FBLN5: variants seen among roughly 807,000 people sequenced by gnomAD.
FBLN5 encodes the protein fibulin-5.
Under a neutral mutation model 61.6 loss-of-function variants are expected in FBLN5, and 24 were observed. The observed-to-expected ratio is 0.39, with a 90% confidence interval of 0.28 to 0.55. The LOEUF (loss-of-function observed/expected upper bound fraction) is 0.55, where lower values mean the gene tolerates loss of function less well. Ranked by LOEUF, FBLN5 falls within the 20% of genes least tolerant of loss-of-function variation. FBLN5 has a pLI of 0.65. For missense variants in FBLN5, 470 were observed against 594.1 expected (o/e 0.79, Z 2.17); for synonymous variants, 213 against 219.8 (o/e 0.97, Z 0.27).
At chr14:91,924,490 C>T (rs1170906858) in intron 4 of FBLN5, among the ~76,000 whole-genome samples, 3 of 151,070 alleles carry the variant, frequency 2.0e-5, no homozygotes, top group African/African-American at 2.4e-5. Flanking sequence ...GAGTTTGAGA[C>T]CAGCCTGGCC....
At chr14:91,885,765 G>T (rs757226719) in intron 7 of FBLN5, among the ~76,000 whole-genome samples, 1 of 152,204 alleles carries the variant, frequency 6.6e-6, no homozygotes, top group Non-Finnish European at 1.5e-5. Context: ...GGCAATAAAC[G>T]TCTGCGGATT....
intron 4 of FBLN5, among the ~76,000 whole-genome samples, chr14:91,900,289 T>C (rs1890400011): frequency 6.6e-6 from 1 of 152,254 alleles, no homozygotes; most frequent in Non-Finnish European, 1.5e-5. Context: ...ACATTAAATA[T>C]GCATAAATAT....
At chr14:91,899,084 A>G (rs1412749615) in intron 4 of FBLN5, among the ~76,000 whole-genome samples, 1 of 151,938 alleles carries the variant, frequency 6.6e-6, no homozygotes, top group Admixed American at 6.6e-5. Context: ...CTACAGGCAT[A>G]AGCCACCGTG....
chr14:91,947,182 G>A lies in FBLN5; in HGVS notation c.17+31C>T. ...TTTTTAGCAAGGCTTCCAGACCCTG[G>A]AGAAAGAAAAGTCCAGCGCCGAGAA... On this transcript the variant is annotated intron_variant, in intron 1 of 10. Coordinates refer to ENST00000342058, the MANE Select transcript of FBLN5 (RefSeq NM_006329.4). This position sits in a 1 kb window ranked among gnomAD's most constrained non-coding sequence, Gnocchi z 4.3. 6.2e-7 allele frequency: 1 copy of A among 1,614,062 alleles called. No homozygotes were observed. Among genetic ancestry groups the A allele is most frequent in the Non-Finnish European group, 8.5e-7 (1 of 1,179,926 alleles).
intron 4 of FBLN5, among the ~76,000 whole-genome samples, chr14:91,906,449 T>A (rs962701202): frequency 2.0e-5 from 3 of 152,116 alleles, no homozygotes; most frequent in Non-Finnish European, 2.9e-5. Flanking sequence ...CACCTCCCAG[T>A]TGAGGGGTGG....
In FBLN5 at chr14:91,937,033, G is replaced by C. The variant is rs754452466; in HGVS notation, c.293C>G (p.Pro98Arg). The change falls in exon 4 of 11, where the codon CCA (proline) becomes CGA (arginine). Residue 98 changes from proline (P) to arginine (R), a missense_variant. Pro to Arg is a moderately radical substitution (Grantham distance 103, BLOSUM62 -2). Coordinates refer to ENST00000342058, the MANE Select transcript of FBLN5 (RefSeq NM_006329.4). Reference sequence around the variant, plus strand: ...CGTGGGATAGTTTGGAGCTGAGAGTGGTGGGGCAGCTGCTGGGTACGGACC... The same window carrying C: ...CGTGGGATAGTTTGGAGCTGAGAGTCGTGGGGCAGCTGCTGGGTACGGACC... ...YSGPYPAAAPPLSAPNYPTIS... is the reference protein window; with the variant it reads ...YSGPYPAAAPRLSAPNYPTIS... 1 of 1,614,178 alleles carries C rather than the reference G, an allele frequency of 6.2e-7. No individual in the cohort carries two copies. The highest frequency in any genetic ancestry group is 8.5e-7 in the Non-Finnish European group (1 of 1,180,034).
Position 91,870,092 on chromosome 14 carries a change from G to T in FBLN5, c.*132C>A, listed in dbSNP as rs1419738446. ...TACAGGTGAGAGTCAGGAAGTCGGG[G>T]CTGACTCTTCGGGGAAACGTTCAGC... On this transcript the variant is annotated 3_prime_UTR_variant, in exon 11 of 11. Coordinates refer to ENST00000342058, the MANE Select transcript of FBLN5 (RefSeq NM_006329.4). 1 of 942,610 alleles carries T rather than the reference G, an allele frequency of 1.1e-6. No homozygotes were observed. Among genetic ancestry groups the T allele is most frequent in the Non-Finnish European group, 1.7e-6 (1 of 598,926 alleles). The allele number at this position is 942,610 out of a possible 1,614,324, so 58.4% of individuals were successfully genotyped here. A position where few individuals can be genotyped will look rare whatever the true frequency, so the allele number is the denominator to read the frequency against.
chr14:91,909,691 C>G (rs1237024364), intron 4 of FBLN5, among the ~76,000 whole-genome samples: 1 of 152,140 alleles, frequency 6.6e-6, no homozygotes. Flanking sequence ...ATGACACAGC[C>G]AGAAGGCCCA....
chr14:91,881,161 G>T, intron 9 of FBLN5, 131 bp downstream of exon 9: 1 of 854,276 alleles, frequency 1.2e-6, no homozygotes, highest in Non-Finnish European at 1.9e-6. Flanking sequence ...ACACGCATGA[G>T]CACATGACGT....
chr14:91,890,301 T>C (rs891077054), intron 6 of FBLN5, among the ~76,000 whole-genome samples: 2 of 152,134 alleles, frequency 1.3e-5, no homozygotes, highest in African/African-American at 4.8e-5. Context: ...CCAAACTCAA[T>C]GGCCAGGAGC....
chr14:91,900,244 ATC>A (rs1353128589), intron 4 of FBLN5, among the ~76,000 whole-genome samples: 4 of 152,242 alleles, frequency 2.6e-5, no homozygotes, highest in African/African-American at 9.6e-5. Context: ...ATTAAATAAA[ATC>A]TCTATAGGCA....
Position 91,947,151 on chromosome 14 carries a change from A to AGG in FBLN5, c.17+61_17+62insCC. Reference sequence around the variant, plus strand: ...TCGCAGCCATAACCATTTTCCACCCATCGGATTTTTAGCAAGGCTTCCAGA... The same window carrying AGG: ...TCGCAGCCATAACCATTTTCCACCCAGGTCGGATTTTTAGCAAGGCTTCCAGA... On this transcript the variant is annotated intron_variant, in intron 1 of 10. Transcript: ENST00000342058. This position sits in a 1 kb window ranked among gnomAD's most constrained non-coding sequence, Gnocchi z 4.3. 1 of 1,611,066 alleles carries AGG rather than the reference A, an allele frequency of 6.2e-7. No individual in the cohort carries two copies. The highest frequency in any genetic ancestry group is 8.5e-7 in the Non-Finnish European group (1 of 1,177,530).
chr14:91,911,271 C>T (rs1376331402), intron 4 of FBLN5, among the ~76,000 whole-genome samples: 1 of 152,208 alleles, frequency 6.6e-6, no homozygotes, highest in Non-Finnish European at 1.5e-5. Flanking sequence ...AGGCGTGAGC[C>T]ACCACGCCTG....
intron 4 of FBLN5, among the ~76,000 whole-genome samples, chr14:91,915,869 A>T (rs1050708132): frequency 6.6e-6 from 1 of 152,112 alleles, no homozygotes; most frequent in Non-Finnish European, 1.5e-5. Flanking sequence ...CTTTCCAGAG[A>T]ATAGAAAAGG....
rs771998353 is a variant in FBLN5 at position 91,877,512 on chromosome 14, T to G, written c.1160A>C (p.Asn387Thr). ...AYYIFQIKSG[N>T]EGREFYMRQT... ...CCGCATGTAAAATTCTCTGCCCTCA[T>G]TCCCAGATTTGATCTGGAAAATGTA... The change falls in exon 10 of 11, where the codon AAT (asparagine) becomes ACT (threonine). Residue 387 changes from asparagine (N) to threonine (T), a missense_variant. Physicochemically the swap from Asn to Thr is moderately conservative, Grantham distance 65. Transcript: ENST00000342058. 5 of 1,614,058 alleles carry G rather than the reference T, an allele frequency of 3.1e-6. No homozygotes were observed. In the Admixed American group the frequency reaches 8.3e-5, roughly 27 times the overall value.
intron 4 of FBLN5, among the ~76,000 whole-genome samples, chr14:91,918,034 T>C (rs78661712): frequency 4.6e-5 from 7 of 152,214 alleles, no homozygotes; most frequent in African/African-American, 1.4e-4. Flanking sequence ...GAGATCAATA[T>C]CCAGGCACCT....
rs2055732543 is a variant in FBLN5 at position 91,921,463 on chromosome 14, CAACA to C, written c.379+15480_379+15483del. On this transcript the variant is annotated intron_variant, in intron 4 of 10. Coordinates refer to ENST00000342058, the MANE Select transcript of FBLN5 (RefSeq NM_006329.4). ...GTTTACAGCTAAGGGATGGGAAAAT[CAACA>C]AACAAATACATAAAAAGCCACCAAT... Among the ~76,000 whole-genome samples, 4 of 152,116 alleles carry C rather than the reference CAACA, an allele frequency of 2.6e-5. No homozygotes were observed. The South Asian group carries it at 6.2e-4, about 24-fold the overall frequency.
intron 5 of FBLN5, among the ~76,000 whole-genome samples, chr14:91,892,986 G>A (rs1890057130): frequency 6.6e-6 from 1 of 150,446 alleles, no homozygotes; most frequent in South Asian, 2.1e-4. Flanking sequence ...CCCAGGAAGA[G>A]AACAACCCTC....
rs75994866 is a variant in FBLN5, at chr14:91,916,452, C to G, written c.379+20495G>C. ...ACAGAGCGAGATTCTGTCTCAAAAT[C>G]AAACAAAAAAGAATTCAGGTGAGGG... is the stretch of plus-strand genomic sequence containing the variant. On this transcript the variant is annotated intron_variant, in intron 4 of 10. Transcript: ENST00000342058. Among the ~76,000 whole-genome samples, 81 of 152,106 alleles carry G rather than the reference C, an allele frequency of 5.3e-4. 1 individual carries two copies. In the East Asian group the frequency reaches 0.014, roughly 27 times the overall value.
Sources: allele counts gnomAD v4.1 joint callset (sites outside exome capture counted in the v4.1 genomes callset), GRCh38; gene constraint gnomAD v4.1.1; non-coding constraint Gnocchi (gnomAD v3.1); transcripts MANE v1.5; gene names NCBI Gene and HGNC (gene_info 2026-07-23, HGNC 2026-07-21).